APOO: variants seen among roughly 807,000 people sequenced by gnomAD.
APOO encodes the protein apolipoprotein O, also known as MICOS complex subunit MIC26.
Under a neutral mutation model 23.1 loss-of-function variants are expected in APOO, and 11 were observed. The ratio of observed to expected loss-of-function variants is 0.48; its 90% CI spans 0.30 to 0.79. The LOEUF (loss-of-function observed/expected upper bound fraction) is 0.79. Ranked by LOEUF, APOO falls within the 30% of genes least tolerant of loss-of-function variation. APOO has a pLI of 0.07. For synonymous variants in APOO, 59 were observed against 54.8 expected (o/e 1.08, Z -0.34); for missense variants, 160 against 142.7 (o/e 1.12, Z -0.62).
At chrX:23,846,864 A>G (rs1277232052) in intron 7 of APOO, among the ~76,000 whole-genome samples, 2 of 111,386 alleles carry the variant, frequency 1.8e-5, no homozygotes, top group African/African-American at 6.5e-5. Flanking sequence ...AGGTCAATAA[A>G]TCAACTACAT....
chrX:23,868,826 T>C (rs1315073526), intron 4 of APOO, 138 bp from the exon 5 acceptor site: 8 of 358,627 alleles, frequency 2.2e-5, no homozygotes, highest in Admixed American at 5.0e-5. Context: ...CCTGCTACTA[T>C]ACTTCTCTTC....
At chrX:23,833,858 C>A (rs1374374184) in intron 8 of APOO, among the ~76,000 whole-genome samples, 1 of 110,807 alleles carries the variant, frequency 9.0e-6, no homozygotes, top group African/African-American at 3.3e-5. Flanking sequence ...GTGGCAAGTG[C>A]CTGTAATCCC....
chrX:23,876,123 G>T (rs1046320929), intron 3 of APOO, among the ~76,000 whole-genome samples: 20 of 110,465 alleles, frequency 1.8e-4, no homozygotes, highest in Non-Finnish European at 3.4e-4. Context: ...AATTAGCCGG[G>T]CGTGGTGGCA....
intron 7 of APOO, among the ~76,000 whole-genome samples, chrX:23,843,584 T>C (rs1054976641): frequency 9.5e-5 from 9 of 94,669 alleles, no homozygotes; most frequent in East Asian, 3.3e-4. Flanking sequence ...AATTTCTTTT[T>C]TTTTTTTTTT....
intron 1 of APOO, among the ~76,000 whole-genome samples, chrX:23,887,579 T>C (rs1248501895): frequency 1.8e-5 from 2 of 110,983 alleles, no homozygotes; most frequent in South Asian, 3.8e-4. Flanking sequence ...AGACTGCATG[T>C]ACCCACGCCC....
intron 7 of APOO, among the ~76,000 whole-genome samples, chrX:23,849,613 C>G (rs1468658263): frequency 1.0e-4 from 5 of 49,140 alleles, no homozygotes; most frequent in Non-Finnish European, 1.4e-4. Context: ...AAAAAAAGTT[C>G]GGGCATGGTG....
chrX:23,849,073 G>A (rs1412180386), intron 7 of APOO, among the ~76,000 whole-genome samples: 1 of 109,044 alleles, frequency 9.2e-6, no homozygotes, highest in Non-Finnish European at 1.9e-5. Context: ...TAGCCAGGAT[G>A]GTCTCAATCT....
chrX:23,867,902 A>T (rs958937515), intron 5 of APOO, among the ~76,000 whole-genome samples: 10 of 111,965 alleles, frequency 8.9e-5, no homozygotes, highest in African/African-American at 3.2e-4. Flanking sequence ...AAAACAAACT[A>T]ATACAGGGAC....
intron 3 of APOO, among the ~76,000 whole-genome samples, chrX:23,877,335 A>G (rs748274196): frequency 1.8e-5 from 2 of 112,573 alleles, no homozygotes; most frequent in Admixed American, 9.5e-5. Flanking sequence ...ACTCAATAAT[A>G]TGGTTATGAT....
At chrX:23,882,569 A>G (rs1926196519) in intron 1 of APOO, among the ~76,000 whole-genome samples, 2 of 112,096 alleles carry the variant, frequency 1.8e-5, no homozygotes, top group South Asian at 3.7e-4. Context: ...AAATAGGAAT[A>G]TGGAGTAAGA....
At chrX:23,901,054 T>C (rs1218038831) in intron 1 of APOO, among the ~76,000 whole-genome samples, 1 of 112,275 alleles carries the variant, frequency 8.9e-6, no homozygotes, top group African/African-American at 3.2e-5. Flanking sequence ...CATTTAGCAT[T>C]GTAATTCTCC....
In APOO at chrX:23,903,371, A is replaced by G. The variant is rs945229599; in HGVS notation, c.9+4323T>C. ...CGTGATAGAGCGAGACTCCATCTAG[A>G]AAAAAAAAAAAAAATGGAGCATTTG... is the stretch of plus-strand genomic sequence containing the variant. On this transcript the variant is annotated intron_variant, in intron 1 of 8. Coordinates refer to ENST00000379226, the MANE Select transcript of APOO (RefSeq NM_024122.5). Among the ~76,000 whole-genome samples the G allele has an allele frequency of 1.1e-4, 11 of 101,042 alleles. No individual in the cohort carries two copies. The East Asian group carries it at 1.5e-3, about 14-fold the overall frequency. The allele number at this position is 101,042 out of a possible 115,157, so 87.7% of individuals were successfully genotyped here. A position where few individuals can be genotyped will look rare whatever the true frequency, so the allele number is the denominator to read the frequency against.
At chrX:23,873,677 C>CA (rs1218609692) in intron 4 of APOO, among the ~76,000 whole-genome samples, 1 of 110,857 alleles carries the variant, frequency 9.0e-6, no homozygotes, top group African/African-American at 3.3e-5. Flanking sequence ...ATTTATCTGA[C>CA]AGTCTCAGAA....
intron 5 of APOO, among the ~76,000 whole-genome samples, chrX:23,862,464 G>C (rs985013366): frequency 2.7e-5 from 3 of 110,369 alleles, no homozygotes; most frequent in Non-Finnish European, 3.8e-5. Flanking sequence ...GAAAAAGAAT[G>C]AGAGTAAATT....
chrX:23,852,131 C>T (rs1307100490), intron 7 of APOO, among the ~76,000 whole-genome samples: 1 of 109,882 alleles, frequency 9.1e-6, no homozygotes, highest in African/African-American at 3.3e-5. Flanking sequence ...GCCATGTTGT[C>T]CAGGCTGGTC....
At chrX:23,905,118 G>A (rs1927296329) in intron 1 of APOO, among the ~76,000 whole-genome samples, 1 of 110,040 alleles carries the variant, frequency 9.1e-6, no homozygotes, top group African/African-American at 3.3e-5. Context: ...GTCGGGCGCG[G>A]TGGGTCACAC....
At chrX:23,873,183 T>G (rs184467433) in intron 4 of APOO, among the ~76,000 whole-genome samples, 36 of 112,050 alleles carry the variant, frequency 3.2e-4, no homozygotes, top group African/African-American at 1.1e-3. Context: ...TCATTAACCA[T>G]CCTCACTCCA....
intron 3 of APOO, among the ~76,000 whole-genome samples, chrX:23,875,783 A>G (rs1323950972): frequency 1.8e-5 from 2 of 110,821 alleles, no homozygotes; most frequent in Non-Finnish European, 3.8e-5. Flanking sequence ...ATTCTTTTAA[A>G]TGACCTGAAA....
At chrX:23,854,382 G>A (rs1425967973) in intron 7 of APOO, among the ~76,000 whole-genome samples, 1 of 112,475 alleles carries the variant, frequency 8.9e-6, no homozygotes, top group Non-Finnish European at 1.9e-5. Context: ...GCTTCAGTCT[G>A]CAGTCACACC....
Sources: gnomAD v4.1 joint callset for allele counts (sites outside exome capture counted in the v4.1 genomes callset) on GRCh38, gnomAD v4.1.1 for gene constraint, MANE v1.5 for transcripts, NCBI Gene and HGNC (gene_info 2026-07-23, HGNC 2026-07-21) for gene names.